HDAC7: variants seen among roughly 807,000 people sequenced by gnomAD.
HDAC7 encodes histone deacetylase 7A.
HDAC7 carries 26 observed loss-of-function variants against 115.5 expected under a neutral mutation model. The ratio of observed to expected loss-of-function variants is 0.23; its 90% CI spans 0.16 to 0.31. HDAC7 has a LOEUF of 0.31. Ranked by LOEUF, HDAC7 falls within the 10% of genes least tolerant of loss-of-function variation. The pLI, the probability that HDAC7 is intolerant of heterozygous loss-of-function variation, is 1.00. For missense variants in HDAC7, 1,068 were observed against 1,329.0 expected (o/e 0.80, Z 3.05); for synonymous variants, 564 against 550.9 (o/e 1.02, Z -0.33).
intron 1 of HDAC7, among the ~76,000 whole-genome samples, chr12:47,808,863 C>T (rs1276342239): frequency 6.6e-6 from 1 of 152,232 alleles, no homozygotes; most frequent in Non-Finnish European, 1.5e-5. Context: ...CCAAAAAGCC[C>T]TCAAAGACAT....
At chr12:47,784,244 G>T (rs1387098335) in intron 24 of HDAC7, 27 bp from the exon 25 acceptor site, 3 of 1,598,316 alleles carry the variant, frequency 1.9e-6, no homozygotes, top group African/African-American at 1.3e-5. Flanking sequence ...GGTCAGAAAG[G>T]GTTGGAGAAA....
At chr12:47,789,787 G>A (rs1453887469) in intron 17 of HDAC7, 26 bp downstream of exon 17, 7 of 1,564,964 alleles carry the variant, frequency 4.5e-6, no homozygotes, top group African/African-American at 2.7e-5. Flanking sequence ...TTTGTGGTGT[G>A]TCCACCTTCA....
chr12:47,808,657 C>T (rs1263385070), intron 1 of HDAC7, among the ~76,000 whole-genome samples: 4 of 152,206 alleles, frequency 2.6e-5, no homozygotes, highest in Non-Finnish European at 4.4e-5. Flanking sequence ...ACCACTCAGC[C>T]TTCCCTGCAA....
rs902053376 is a variant in HDAC7, at chr12:47,786,685, G to A, written c.2472C>T (p.Ile824=). The part of the protein sequence containing the change: ...LAAFRIVVMP[I]AREFSPDLVL... The stretch of plus-strand genomic sequence containing the variant: ...CTAGGTCTGGAGAGAACTCTCGGGC[G>A]ATGGGCATCACGACTATCCTGTGAG... Residue 824 remains isoleucine, a synonymous_variant, in exon 22 of 26, where the codon ATC becomes ATT. Coordinates refer to ENST00000080059, the MANE Select transcript of HDAC7 (RefSeq NM_015401.5). 4.3e-6 allele frequency: 7 copies of A among 1,613,726 alleles called. No individual in the cohort carries two copies. Among genetic ancestry groups the A allele is most frequent in the South Asian group, 2.2e-5 (2 of 91,086 alleles).
rs1308908903 is a variant in HDAC7, at chr12:47,810,842, CTCTCTA to C, written c.20-8574_20-8569del. 8.6e-5 allele frequency among the ~76,000 whole-genome samples: 8 copies of C among 93,242 alleles called. No individual in the cohort carries two copies. In the South Asian group the frequency reaches 1.3e-3, roughly 15 times the overall value. 61.2% of individuals were successfully genotyped at this position (93,242 alleles called of 152,430 possible). On this transcript the variant is annotated intron_variant, in intron 1 of 25. Coordinates refer to ENST00000080059, the MANE Select transcript of HDAC7 (RefSeq NM_015401.5). Reference sequence around the variant, plus strand: ...TCTCTCTCTCTCTCTCTCTCTCTCTCTCTCTATCTCTATCTCTGTCTCTCACTCACG... The same window carrying C: ...TCTCTCTCTCTCTCTCTCTCTCTCTCTCTCTATCTCTGTCTCTCACTCACG...
At chr12:47,787,682 C>A (rs752036974) in intron 21 of HDAC7, 30 bp downstream of exon 21, 1 of 1,516,712 alleles carries the variant, frequency 6.6e-7, no homozygotes, top group Non-Finnish European at 9.0e-7. Context: ...AGAGGGTGGA[C>A]TTGCCCCTCT....
Position 47,783,828 on chromosome 12 carries a change from T to C in HDAC7, c.*13A>G. 1.2e-6 allele frequency: 2 copies of C among 1,609,956 alleles called. No individual in the cohort carries two copies. Reference sequence around the variant, plus strand: ...CCCAAGGGCATGGTGGGCGGGCAGATGGTTCCAGAGCCTTAGAGATTCATA... The same window carrying C: ...CCCAAGGGCATGGTGGGCGGGCAGACGGTTCCAGAGCCTTAGAGATTCATA... On this transcript the variant is annotated 3_prime_UTR_variant, in exon 26 of 26. Coordinates refer to ENST00000080059, the MANE Select transcript of HDAC7 (RefSeq NM_015401.5).
intron 1 of HDAC7, among the ~76,000 whole-genome samples, chr12:47,808,314 T>G (rs1592689926): frequency 1.3e-5 from 2 of 152,250 alleles, no homozygotes; most frequent in Non-Finnish European, 1.5e-5. Flanking sequence ...TGGGAGCCAG[T>G]GTCGCCCCCC....
In HDAC7 at chr12:47,793,331, G is replaced by GCCCCAACCAACACC; in HGVS notation, c.1678+37_1678+38insGGTGTTGGTTGGGG. On this transcript the variant is annotated intron_variant, in intron 13 of 25. Transcript: ENST00000080059. The surrounding 1 kb of genome is among the most constrained non-coding windows in gnomAD (Gnocchi z 4.5). ...CACCCACATGGACTCGTGCAGCCGA[G>GCCCCAACCAACACC]CCCCTCCCTCCACCCGCCACCCTCC... is the stretch of plus-strand genomic sequence containing the variant. 7.7e-7 allele frequency: 1 copy of GCCCCAACCAACACC among 1,305,502 alleles called. No individual in the cohort carries two copies. The highest frequency in any genetic ancestry group is 1.0e-6 in the Non-Finnish European group (1 of 952,722). 80.9% of individuals were successfully genotyped at this position (1,305,502 alleles called of 1,614,324 possible). A position where few individuals can be genotyped will look rare whatever the true frequency, so the allele number is the denominator to read the frequency against.
chr12:47,793,331 G>GCCCCCACC lies in HDAC7; in HGVS notation c.1678+37_1678+38insGGTGGGGG. The GCCCCCACC allele has an allele frequency of 1.5e-6, 2 of 1,305,502 alleles. No homozygotes were observed. Among genetic ancestry groups the GCCCCCACC allele is most frequent in the Non-Finnish European group, 1.0e-6 (1 of 952,724 alleles). 80.9% of individuals were successfully genotyped at this position (1,305,502 alleles called of 1,614,324 possible). ...CACCCACATGGACTCGTGCAGCCGA[G>GCCCCCACC]CCCCTCCCTCCACCCGCCACCCTCC... is the stretch of plus-strand genomic sequence containing the variant. On this transcript the variant is annotated intron_variant, in intron 13 of 25. Coordinates refer to ENST00000080059, the MANE Select transcript of HDAC7 (RefSeq NM_015401.5). This position sits in a 1 kb window ranked among gnomAD's most constrained non-coding sequence, Gnocchi z 4.5.
intron 22 of HDAC7, 197 bp from the exon 23 acceptor site, chr12:47,786,082 A>T (rs1943160259): frequency 3.4e-6 from 2 of 594,488 alleles, no homozygotes; most frequent in South Asian, 5.2e-5. Context: ...AGGGAGGTTA[A>T]GGGCCTTGGG....
chr12:47,786,043 A>G, intron 22 of HDAC7, 158 bp from the exon 23 acceptor site: 1 of 764,346 alleles, frequency 1.3e-6, no homozygotes, highest in Middle Eastern at 3.7e-4. Context: ...TGTCGTACAA[A>G]ACCTACTAGT....
rs932188314 is a variant in HDAC7, at chr12:47,793,197, A to G, written c.1678+172T>C. 7 of 564,198 alleles carry G rather than the reference A, an allele frequency of 1.2e-5. No homozygotes were observed. Among genetic ancestry groups the G allele is most frequent in the Admixed American group, 3.5e-5 (1 of 28,908 alleles). The allele number at this position is 564,198 out of a possible 1,614,324, so 34.9% of individuals were successfully genotyped here. A position where few individuals can be genotyped will look rare whatever the true frequency, so the allele number is the denominator to read the frequency against. ...TTAGATTTCGTGAGCCTTGGTCCTC[A>G]TCGGCCAAATGCAATAACCAGCTGT... On this transcript the variant is annotated intron_variant, in intron 13 of 25. Coordinates refer to ENST00000080059, the MANE Select transcript of HDAC7 (RefSeq NM_015401.5). The surrounding 1 kb of genome is among the most constrained non-coding windows in gnomAD (Gnocchi z 4.5).
intron 1 of HDAC7, among the ~76,000 whole-genome samples, chr12:47,806,481 G>T (rs1944408782): frequency 6.6e-6 from 1 of 152,206 alleles, no homozygotes; most frequent in African/African-American, 2.4e-5. Flanking sequence ...TTGAGGTCAG[G>T]AGTTCGAGAC....
chr12:47,820,876 G>A (rs1425926752), upstream of HDAC7, among the ~76,000 whole-genome samples: 1 of 152,154 alleles, frequency 6.6e-6, no homozygotes, highest in Non-Finnish European at 1.5e-5. The surrounding 1 kb of genome is among the most constrained non-coding windows in gnomAD (Gnocchi z 4.3). Context: ...TCAGCTCAGG[G>A]CCGGCTTTAG....
At chr12:47,796,069 C>T in intron 8 of HDAC7, 53 bp from the exon 9 acceptor site, 5 of 1,536,032 alleles carry the variant, frequency 3.3e-6, no homozygotes, top group Non-Finnish European at 4.4e-6. Flanking sequence ...TACCCCGGCG[C>T]ACCTTCCCCA....
In HDAC7 at chr12:47,789,418, G is replaced by A. The variant is rs569185215; in HGVS notation, c.2148-70C>T. Reference sequence around the variant, plus strand: ...CCTCACCTCCCCAGGCCCCTGGGTTGGCCCAGCCTGAGAAAGCTCAGGGAA... The same window carrying A: ...CCTCACCTCCCCAGGCCCCTGGGTTAGCCCAGCCTGAGAAAGCTCAGGGAA... On this transcript the variant is annotated intron_variant, in intron 18 of 25. Coordinates refer to ENST00000080059, the MANE Select transcript of HDAC7 (RefSeq NM_015401.5). 81 of 1,576,046 alleles carry A rather than the reference G, an allele frequency of 5.1e-5. No homozygotes were observed. The South Asian group carries it at 8.6e-4, about 17-fold the overall frequency.
intron 1 of HDAC7, among the ~76,000 whole-genome samples, chr12:47,807,422 G>C (rs1284180996): frequency 6.6e-6 from 1 of 152,130 alleles, no homozygotes; most frequent in African/African-American, 2.4e-5. Flanking sequence ...ATCCCCATTA[G>C]ATAAATGAGT....
At position 47,783,597 on chromosome 12, in the gene HDAC7, T is replaced by C; in HGVS notation, c.*244A>G. The C allele has an allele frequency of 1.8e-6, 1 of 550,284 alleles. No homozygotes were observed. Among genetic ancestry groups the C allele is most frequent in the East Asian group, 3.2e-5 (1 of 31,182 alleles). The allele number at this position is 550,284 out of a possible 1,614,324, so 34.1% of individuals were successfully genotyped here. A position where few individuals can be genotyped will look rare whatever the true frequency, so the allele number is the denominator to read the frequency against. ...GCCCATACTGGAGGGGAGAATCTGT[T>C]CTCGAGAGCCCTGTGGGGGTCGCCG... On this transcript the variant is annotated 3_prime_UTR_variant, in exon 26 of 26. Coordinates refer to ENST00000080059, the MANE Select transcript of HDAC7 (RefSeq NM_015401.5).
Sources: gnomAD v4.1 joint callset for allele counts (sites outside exome capture counted in the v4.1 genomes callset) on GRCh38, gnomAD v4.1.1 for gene constraint, Gnocchi (gnomAD v3.1) non-coding constraint, MANE v1.5 for transcripts, NCBI Gene and HGNC (gene_info 2026-07-23, HGNC 2026-07-21) for gene names.